DPP6: variants seen among roughly 807,000 people sequenced by gnomAD.
The protein encoded by DPP6 is dipeptidyl peptidase like 6, also known as A-type potassium channel modulatory protein DPP6.
Under a neutral mutation model 122.6 loss-of-function variants are expected in DPP6, and 69 were observed. The ratio of observed to expected loss-of-function variants is 0.56; its 90% CI spans 0.46 to 0.69. DPP6 has a LOEUF of 0.69. Among genes scored for constraint, DPP6 ranks in the 30% least tolerant of loss-of-function variants. The pLI, the probability that DPP6 is intolerant of heterozygous loss-of-function variation, is 0.00. For missense variants in DPP6, 928 were observed against 1,116.9 expected (o/e 0.83, Z 2.41); for synonymous variants, 418 against 433.1 (o/e 0.97, Z 0.43).
At chr7:154,379,782 G>A (rs1327798878) in intron 1 of DPP6, among the ~76,000 whole-genome samples, 7 of 152,170 alleles carry the variant, frequency 4.6e-5, no homozygotes, top group African/African-American at 1.7e-4. Context: ...AATATTACCT[G>A]TCTAATGGAG....
At chr7:154,495,685 C>T (rs1245636091) in intron 3 of DPP6, among the ~76,000 whole-genome samples, 3 of 152,076 alleles carry the variant, frequency 2.0e-5, no homozygotes, top group Admixed American at 6.6e-5. Context: ...CCACTGCGGC[C>T]GGCCTGTATA....
intron 18 of DPP6, among the ~76,000 whole-genome samples, chr7:154,869,705 C>T (rs947819110): frequency 2.0e-5 from 3 of 152,198 alleles, no homozygotes; most frequent in African/African-American, 4.8e-5. Context: ...ACCACAGGTC[C>T]GGGCCAAAAA....
chr7:154,119,197 G>C lies in DPP6; in HGVS notation c.243+66134G>C, dbSNP rs1370009508. The stretch of plus-strand genomic sequence containing the variant: ...CCGAGCTAGAGCTGGCCACAGTGAA[G>C]CCATGAGACTTGGGAGGTGAATGAA... On this transcript the variant is annotated intron_variant, in intron 1 of 25. Coordinates refer to ENST00000377770, the MANE Select transcript of DPP6 (RefSeq NM_130797.4). 5.9e-5 allele frequency among the ~76,000 whole-genome samples: 9 copies of C among 152,306 alleles called. No individual in the cohort carries two copies. In the East Asian group the frequency reaches 1.5e-3, roughly 26 times the overall value.
the DPP6 span, among the ~76,000 whole-genome samples, chr7:153,796,399 T>A: frequency 2.1e-5 from 3 of 143,828 alleles, no homozygotes; most frequent in African/African-American, 7.8e-5. Context: ...GAAATCTACT[T>A]TATCTGATAT....
chr7:154,049,653 T>C (rs1218332262), upstream of DPP6, among the ~76,000 whole-genome samples: 4 of 143,880 alleles, frequency 2.8e-5, no homozygotes, highest in Non-Finnish European at 6.2e-5. Flanking sequence ...AGTGGCGCGA[T>C]CTCGGCTCAT....
chr7:154,324,208 G>A (rs1808220611), intron 1 of DPP6, among the ~76,000 whole-genome samples: 1 of 152,178 alleles, frequency 6.6e-6, no homozygotes, highest in Admixed American at 6.5e-5. Context: ...CCTGTTCACG[G>A]TTGCCTTTTA....
At chr7:154,431,463 TTTCTTTTC>T (rs1222725361) in intron 1 of DPP6, among the ~76,000 whole-genome samples, 1 of 12,932 alleles carries the variant, frequency 7.7e-5, no homozygotes, top group Non-Finnish European at 1.3e-4. Context: ...TTTCTTTTCT[TTTCTTTTC>T]TTTTCTTTTC....
intron 6 of DPP6, among the ~76,000 whole-genome samples, chr7:154,638,580 A>G (rs1835873959): frequency 6.6e-6 from 1 of 151,900 alleles, no homozygotes; most frequent in Non-Finnish European, 1.5e-5. Flanking sequence ...TCAATAATGT[A>G]TTGTCCAGAG....
At chr7:154,752,834 G>A (rs6974316) in intron 8 of DPP6, among the ~76,000 whole-genome samples, 30,031 of 152,070 alleles carry the variant, frequency 0.2, 3,140 homozygotes, top group African/African-American at 0.23. Flanking sequence ...TAAATGTTGG[G>A]TTCTACCCAG....
intron 1 of DPP6, among the ~76,000 whole-genome samples, chr7:153,893,067 A>G (rs1048847489): frequency 6.6e-6 from 1 of 152,242 alleles, no homozygotes; most frequent in African/African-American, 2.4e-5. Flanking sequence ...GCAGATTTCC[A>G]GAAAGAAGAT....
intron 1 of DPP6, among the ~76,000 whole-genome samples, chr7:154,044,199 T>G (rs935792817): frequency 6.6e-6 from 1 of 152,232 alleles, no homozygotes; most frequent in African/African-American, 2.4e-5. Context: ...GAGAATTACT[T>G]TTTTGATTAC....
intron 1 of DPP6, among the ~76,000 whole-genome samples, chr7:154,355,871 A>T (rs1411109893): frequency 6.6e-6 from 1 of 152,210 alleles, no homozygotes; most frequent in African/African-American, 2.4e-5. Context: ...TTACACACAC[A>T]TACTCACTCA....
intron 7 of DPP6, among the ~76,000 whole-genome samples, chr7:154,703,037 G>A (rs1317771900): frequency 6.6e-6 from 1 of 152,200 alleles, no homozygotes; most frequent in Non-Finnish European, 1.5e-5. Context: ...GTGATGTTAA[G>A]TCTACTCCGC....
chr7:154,669,495 T>G, intron 7 of DPP6, 54 bp downstream of exon 7: 1 of 1,546,374 alleles, frequency 6.5e-7, no homozygotes. Flanking sequence ...GTTTCTGTTT[T>G]CTAAGCTGAA....
chr7:153,971,854 G>T (rs1332954772), intron 1 of DPP6, among the ~76,000 whole-genome samples: 3 of 144,042 alleles, frequency 2.1e-5, no homozygotes, highest in Non-Finnish European at 1.5e-5. Context: ...GGAACTCTGG[G>T]CTTTGTGTCC....
chr7:153,805,943 T>G, the DPP6 span, among the ~76,000 whole-genome samples: 1 of 151,796 alleles, frequency 6.6e-6, no homozygotes, highest in Admixed American at 6.6e-5. Context: ...ATGGCACATG[T>G]ATGCATATGT....
chr7:154,419,894 T>C (rs1293131203), intron 1 of DPP6, among the ~76,000 whole-genome samples: 1 of 152,176 alleles, frequency 6.6e-6, no homozygotes, highest in African/African-American at 2.4e-5. Flanking sequence ...AGCACCCCCA[T>C]GCCCATCTGC....
intron 7 of DPP6, among the ~76,000 whole-genome samples, chr7:154,695,468 T>TA (rs1237980671): frequency 6.6e-6 from 1 of 152,224 alleles, no homozygotes; most frequent in Non-Finnish European, 1.5e-5. Context: ...TTACAAGATT[T>TA]TAACCAGAGT....
intron 5 of DPP6, among the ~76,000 whole-genome samples, chr7:154,570,334 T>A (rs553041087): frequency 6.6e-6 from 1 of 152,138 alleles, no homozygotes; most frequent in South Asian, 2.1e-4. Flanking sequence ...ATTGCAATGT[T>A]ATATCATTTC....
Sources: allele counts gnomAD v4.1 joint callset (sites outside exome capture counted in the v4.1 genomes callset), GRCh38; gene constraint gnomAD v4.1.1; transcripts MANE v1.5; gene names NCBI Gene and HGNC (gene_info 2026-07-23, HGNC 2026-07-21).